DPYD: variants seen among roughly 807,000 people sequenced by gnomAD.
The protein encoded by DPYD is dihydropyrimidine dehydrogenase [NADP(+)].
In DPYD, 109 loss-of-function variants were observed where a neutral mutation model predicts 116.2. That is an observed-to-expected ratio of 0.94 (90% CI 0.80 to 1.10). The LOEUF (loss-of-function observed/expected upper bound fraction) is 1.10, where lower values mean the gene tolerates loss of function less well. Ranked by LOEUF, DPYD falls within the 50% of genes least tolerant of loss-of-function variation. DPYD has a pLI of 0.00. For missense variants in DPYD, 1,302 were observed against 1,254.5 expected (o/e 1.04, Z -0.57); for synonymous variants, 440 against 432.0 (o/e 1.02, Z -0.23).
At position 97,877,083 on chromosome 1, in the gene DPYD, C is replaced by A. The variant is rs1230337916; in HGVS notation, c.150+6181G>T. 3.3e-5 allele frequency among the ~76,000 whole-genome samples: 5 copies of A among 151,990 alleles called. No individual in the cohort carries two copies. In the South Asian group the frequency reaches 6.2e-4, roughly 19 times the overall value. ...GAAAGATGGAGAATCTGTGACTCGACAAACGAAGCCCTGGGAGAGTAGATT... is the reference window on the plus strand; with the variant it reads ...GAAAGATGGAGAATCTGTGACTCGAAAAACGAAGCCCTGGGAGAGTAGATT... On this transcript the variant is annotated intron_variant, in intron 2 of 22. Transcript: ENST00000370192.
chr1:97,173,076 C>T (rs963335552), intron 20 of DPYD, among the ~76,000 whole-genome samples: 4 of 151,790 alleles, frequency 2.6e-5, no homozygotes, highest in Admixed American at 1.3e-4. Flanking sequence ...ATTGGGTTTG[C>T]GTCCGGCTTC....
At chr1:97,440,126 T>C (rs1675690150) in intron 14 of DPYD, among the ~76,000 whole-genome samples, 2 of 151,950 alleles carry the variant, frequency 1.3e-5, no homozygotes, top group South Asian at 4.2e-4. Context: ...AACTACAAAA[T>C]TAGCCAGGCA....
intron 16 of DPYD, among the ~76,000 whole-genome samples, chr1:97,324,161 C>T (rs928864855): frequency 6.6e-6 from 1 of 151,834 alleles, no homozygotes; most frequent in African/African-American, 2.4e-5. Flanking sequence ...CGTTTTTTGC[C>T]CATTTTCTAA....
chr1:97,261,093 G>A (rs1386584054), intron 18 of DPYD, among the ~76,000 whole-genome samples: 1 of 152,126 alleles, frequency 6.6e-6, no homozygotes, highest in Non-Finnish European at 1.5e-5. Flanking sequence ...GGTGTAAATA[G>A]TTGCTGGATT....
intron 11 of DPYD, among the ~76,000 whole-genome samples, chr1:97,568,297 C>G (rs955043148): frequency 6.6e-6 from 1 of 151,962 alleles, no homozygotes; most frequent in African/African-American, 2.4e-5. Flanking sequence ...TAATATAAAT[C>G]AATTTAATTA....
chr1:97,882,068 G>A (rs1253820877), intron 2 of DPYD, among the ~76,000 whole-genome samples: 1 of 151,656 alleles, frequency 6.6e-6, no homozygotes, highest in African/African-American at 2.4e-5. Context: ...TTTTTTCAGT[G>A]TTATTCAATT....
chr1:97,393,415 G>T (rs1420096251), intron 14 of DPYD, among the ~76,000 whole-genome samples: 3 of 151,678 alleles, frequency 2.0e-5, no homozygotes, highest in Non-Finnish European at 4.4e-5. Context: ...TTTACATTAG[G>T]TATATCTCCT....
chr1:97,866,252 C>T (rs745855564), intron 2 of DPYD, among the ~76,000 whole-genome samples: 9 of 151,902 alleles, frequency 5.9e-5, no homozygotes, highest in Non-Finnish European at 7.4e-5. Flanking sequence ...CAGGACGGCT[C>T]GTGCAGAGCA....
chr1:97,478,078 T>C lies in DPYD; in HGVS notation c.1741-27855A>G, dbSNP rs1005219385. On this transcript the variant is annotated intron_variant, in intron 13 of 22. Transcript: ENST00000370192. ...TGATCCATTGGGTGCAGAATGGATA[T>C]GTGTTAGAAGACATCACCACATTAA... Among the ~76,000 whole-genome samples the C allele has an allele frequency of 2.6e-5, 4 of 152,190 alleles. 1 individual carries two copies. In the South Asian group the frequency reaches 8.3e-4, roughly 31 times the overall value.
At chr1:97,740,002 T>C (rs879041407) in intron 4 of DPYD, among the ~76,000 whole-genome samples, 1 of 152,106 alleles carries the variant, frequency 6.6e-6, no homozygotes, top group Admixed American at 6.6e-5. Flanking sequence ...TACCTTGATA[T>C]ATCTATGTGC....
chr1:97,891,521 G>A (rs572168928), intron 1 of DPYD, among the ~76,000 whole-genome samples: 11 of 151,982 alleles, frequency 7.2e-5, no homozygotes, highest in Non-Finnish European at 1.3e-4. Flanking sequence ...TCAAATAAGA[G>A]TTATATATTG....
chr1:97,573,597 T>C (rs957869596), intron 11 of DPYD, among the ~76,000 whole-genome samples, 163 bp downstream of exon 11: 5 of 152,160 alleles, frequency 3.3e-5, no homozygotes, highest in Non-Finnish European at 1.5e-5. Flanking sequence ...ATATAAGCAT[T>C]AAATAACATT....
intron 11 of DPYD, among the ~76,000 whole-genome samples, chr1:97,571,019 G>T (rs1308697557): frequency 6.6e-6 from 1 of 151,984 alleles, no homozygotes; most frequent in Non-Finnish European, 1.5e-5. Flanking sequence ...AGTGCCTACT[G>T]TAAGTCTAGC....
At chr1:97,506,620 A>G (rs889215137) in intron 13 of DPYD, among the ~76,000 whole-genome samples, 1 of 151,936 alleles carries the variant, frequency 6.6e-6, no homozygotes, top group Non-Finnish European at 1.5e-5. Context: ...AAAATTGTAC[A>G]CGTCAATTTA....
chr1:97,312,751 C>T (rs900128302), intron 16 of DPYD, among the ~76,000 whole-genome samples: 4 of 151,674 alleles, frequency 2.6e-5, no homozygotes, highest in Middle Eastern at 3.2e-3. Flanking sequence ...AACCTGTTAG[C>T]AGTGATTACC....
chr1:97,612,565 C>G (rs1363103785), intron 8 of DPYD, among the ~76,000 whole-genome samples: 1 of 152,004 alleles, frequency 6.6e-6, no homozygotes, highest in African/African-American at 2.4e-5. Context: ...ATTATCTCTG[C>G]AGTTAATATG....
At chr1:97,869,922 T>A (rs1671575039) in intron 2 of DPYD, among the ~76,000 whole-genome samples, 1 of 151,854 alleles carries the variant, frequency 6.6e-6, no homozygotes, top group South Asian at 2.1e-4. Context: ...TGTGTATGCA[T>A]GTTTTCCTGT....
intron 18 of DPYD, among the ~76,000 whole-genome samples, chr1:97,296,880 T>C (rs1401426444): frequency 6.6e-6 from 1 of 152,112 alleles, no homozygotes; most frequent in African/African-American, 2.4e-5. Flanking sequence ...AAATGGGTGA[T>C]GATAAATATA....
chr1:97,906,711 C>T (rs921565778), intron 1 of DPYD, among the ~76,000 whole-genome samples: 2 of 152,046 alleles, frequency 1.3e-5, no homozygotes, highest in Non-Finnish European at 2.9e-5. Context: ...TCCGTTGTAA[C>T]TGAGCACTTC....
Sources: gnomAD v4.1 joint callset for allele counts (sites outside exome capture counted in the v4.1 genomes callset) on GRCh38, gnomAD v4.1.1 for gene constraint, MANE v1.5 for transcripts, NCBI Gene and HGNC (gene_info 2026-07-23, HGNC 2026-07-21) for gene names.